Variants in KIAA0753 observed in about 807,000 individuals in gnomAD.
KIAA0753 encodes the protein KIAA0753.
A neutral mutation model predicts 116.9 loss-of-function variants in KIAA0753; 114 were observed. That is an observed-to-expected ratio of 0.98 (90% confidence interval 0.84 to 1.14). KIAA0753 has a LOEUF of 1.14. Among genes scored for constraint, KIAA0753 ranks in the 50% most tolerant of loss-of-function variants. The pLI is 0.00. For synonymous variants in KIAA0753, 405 were observed against 413.1 expected, an observed-to-expected ratio of 0.98 and a Z score of 0.24; for missense variants, 1,156 against 1,172.4, an observed-to-expected ratio of 0.99 and a Z score of 0.20.
chr17:6,582,066 T>C (rs1968217059), intron 18 of KIAA0753, among the ~76,000 whole-genome samples: 2 of 152,218 alleles, frequency 1.3e-5, no homozygotes, highest in African/African-American at 2.4e-5. Flanking sequence ...AAACACCCTG[T>C]ATCTATTTCT....
At chr17:6,589,640 T>C (rs1004292088) in intron 18 of KIAA0753, 139 bp downstream of exon 18, 22 of 602,828 alleles carry the variant, frequency 3.6e-5, no homozygotes, top group Admixed American at 7.1e-5. Context: ...GCCTGTCTCC[T>C]AGCCCAAGAA....
At chr17:6,594,699 C>T (rs996245961) in intron 16 of KIAA0753, among the ~76,000 whole-genome samples, 3 of 151,962 alleles carry the variant, frequency 2.0e-5, no homozygotes, top group South Asian at 4.1e-4. Flanking sequence ...AAAAAAAGAG[C>T]CATAAGTAAA....
intron 14 of KIAA0753, among the ~76,000 whole-genome samples, chr17:6,596,930 G>T (rs1178598162): frequency 6.6e-6 from 1 of 152,164 alleles, no homozygotes; most frequent in African/African-American, 2.4e-5. Flanking sequence ...TTTATAATCT[G>T]CCCTGAAAGA....
At chr17:6,586,384 T>G (rs1191139340) in intron 18 of KIAA0753, among the ~76,000 whole-genome samples, 7 of 152,224 alleles carry the variant, frequency 4.6e-5, no homozygotes, top group African/African-American at 1.7e-4. Flanking sequence ...ATGCTTCTAA[T>G]TCCTGAGTCT....
intron 15 of KIAA0753, 77 bp from the exon 16 acceptor site, chr17:6,595,130 A>G: frequency 4.9e-6 from 5 of 1,018,002 alleles, no homozygotes; most frequent in Non-Finnish European, 6.0e-6. Flanking sequence ...TAAAGATGTA[A>G]AAGTTCAGCA....
chr17:6,606,880 G>A lies in KIAA0753; in HGVS notation c.2002C>T (p.Gln668Ter). ...TAAGAAGCAAACACATACCTCAATT[G>A]TTGGAGTCTATACATTTCTTCAGCT... Reference protein sequence around the residue: ...LKAEEMYRLQQLSVSATHLAD... With the variant: ...LKAEEMYRLQ Residue 668 changes from glutamine (Q) to a stop codon, truncating the protein, a stop_gained, in exon 12 of 19, where the codon CAA becomes TAA. Transcript: ENST00000361413. LOFTEE classifies it high-confidence loss of function. 6 of 1,612,862 alleles carry A rather than the reference G, an allele frequency of 3.7e-6. No homozygotes were observed. The highest frequency in any genetic ancestry group is 5.1e-6 in the Non-Finnish European group (6 of 1,178,814).
chr17:6,607,826 T>C (rs954555558), intron 10 of KIAA0753, among the ~76,000 whole-genome samples: 3 of 152,220 alleles, frequency 2.0e-5, no homozygotes, highest in African/African-American at 7.2e-5. Context: ...TATGGAATGT[T>C]CTCACCTCAT....
Position 6,579,844 on chromosome 17 carries a change from T to TCTAC in KIAA0753, c.2803_2806dup (p.Asp936GlyfsTer3), listed in dbSNP as rs1328089628. On this transcript the variant is annotated frameshift_variant, in exon 19 of 19. Transcript: ENST00000361413. LOFTEE classifies it high-confidence loss of function. ...AGCAGCCACAGCACCCAGAGCTTCA[T>TCTAC]CTACCAGCTCTTCTGAAAAGCTGGA... 17 of 1,613,356 alleles carry TCTAC rather than the reference T, an allele frequency of 1.1e-5. No individual in the cohort carries two copies. The highest frequency in any genetic ancestry group is 1.1e-5 in the Non-Finnish European group (13 of 1,179,690).
chr17:6,590,001 G>A lies in KIAA0753; in HGVS notation c.2564C>T (p.Ser855Phe). Residue 855 changes from serine (S) to phenylalanine (F), a missense_variant and splice_region_variant, in exon 18 of 19, where the codon TCC (serine) becomes TTC (phenylalanine). By Grantham distance (155) the Ser-to-Phe change is radical (BLOSUM62 -2). Coordinates refer to ENST00000361413, the MANE Select transcript of KIAA0753 (RefSeq NM_014804.3). ...CTCTGTTCCCACACTTTCATCCAGG[G>A]AACTGAGAACAAATAAAAATGATGA... ...IMLERPCNGN[S>F]LDESVGTEEG... 1 of 1,544,494 alleles carries A rather than the reference G, an allele frequency of 6.5e-7. No homozygotes were observed. Among genetic ancestry groups the A allele is most frequent in the South Asian group, 1.2e-5 (1 of 80,028 alleles).
In KIAA0753 at chr17:6,589,805, G is replaced by A. The variant is rs1048305592; in HGVS notation, c.2760C>T (p.Ser920=). ...LRIISHEAVG[S]FNPWLIAESF... is the part of the protein sequence containing the mutation. The stretch of plus-strand genomic sequence containing the variant: ...TTTCAGCTATCAGCCACGGGTTGAA[G>A]GAGCCTACAGCCTCATGAGATATGA... The change falls in exon 18 of 19, where the codon TCC becomes TCT. Residue 920 remains serine, a synonymous_variant. Transcript: ENST00000361413. The A allele has an allele frequency of 6.2e-7, 1 of 1,611,158 alleles. No homozygotes were observed. The highest frequency in any genetic ancestry group is 8.5e-7 in the Non-Finnish European group (1 of 1,179,208).
In KIAA0753 at chr17:6,628,095, TAAA is replaced by T. The variant is rs1300238734; in HGVS notation, c.718+19_718+21del. ...CCATAATCACAGCCTTAGGTCGAAG[TAAA>T]GAATCTAATTTTTCTCACCTTTTTT... On this transcript the variant is annotated intron_variant, in intron 3 of 18. Coordinates refer to ENST00000361413, the MANE Select transcript of KIAA0753 (RefSeq NM_014804.3). 3 of 1,596,972 alleles carry T rather than the reference TAAA, an allele frequency of 1.9e-6. No homozygotes were observed. The highest frequency in any genetic ancestry group is 2.6e-6 in the Non-Finnish European group (3 of 1,172,050).
At chr17:6,590,778 C>A in intron 16 of KIAA0753, 148 bp from the exon 17 acceptor site, 1 of 689,284 alleles carries the variant, frequency 1.5e-6, no homozygotes, top group South Asian at 1.9e-5. Flanking sequence ...TGGGAAAATG[C>A]TCATTTTAAA....
chr17:6,597,779 A>C (rs573212719), intron 14 of KIAA0753, among the ~76,000 whole-genome samples: 1 of 152,320 alleles, frequency 6.6e-6, no homozygotes, highest in Admixed American at 6.5e-5. Flanking sequence ...TTTACTTGCA[A>C]ATGTCTCCTC....
Position 6,599,227 on chromosome 17 carries a change from C to T in KIAA0753, c.2172+10G>A. 6.2e-7 allele frequency: 1 copy of T among 1,602,742 alleles called. No homozygotes were observed. Among genetic ancestry groups the T allele is most frequent in the South Asian group, 1.1e-5 (1 of 90,764 alleles). Reference sequence around the variant, plus strand: ...ATAATACCAGAATGCCAATATCACACAACGCATACCTCCTGTGCAGGCTGG... The same window carrying T: ...ATAATACCAGAATGCCAATATCACATAACGCATACCTCCTGTGCAGGCTGG... On this transcript the variant is annotated intron_variant, in intron 14 of 18. Transcript: ENST00000361413.
chr17:6,614,811 A>AC (rs771337068), intron 7 of KIAA0753, among the ~76,000 whole-genome samples: 1 of 152,130 alleles, frequency 6.6e-6, no homozygotes, highest in African/African-American at 2.4e-5. Context: ...GTTTTATTTT[A>AC]TTTTTGAGAC....
chr17:6,586,588 T>C (rs893022754), intron 18 of KIAA0753, among the ~76,000 whole-genome samples: 3 of 152,360 alleles, frequency 2.0e-5, no homozygotes, highest in East Asian at 1.9e-4. Context: ...TATAGTGGGA[T>C]AGAGATATAG....
At chr17:6,603,857 C>A (rs1013958906) in intron 12 of KIAA0753, among the ~76,000 whole-genome samples, 6 of 152,172 alleles carry the variant, frequency 3.9e-5, no homozygotes, top group African/African-American at 1.2e-4. Flanking sequence ...TCTACTGCAG[C>A]CAAACACTGC....
At chr17:6,622,588 T>C (rs1036532502) in intron 6 of KIAA0753, among the ~76,000 whole-genome samples, 1 of 152,270 alleles carries the variant, frequency 6.6e-6, no homozygotes, top group Non-Finnish European at 1.5e-5. Context: ...TAAATTTTTT[T>C]CTCAAATGGC....
chr17:6,583,894 C>T (rs558797420), intron 18 of KIAA0753, among the ~76,000 whole-genome samples: 1 of 152,336 alleles, frequency 6.6e-6, no homozygotes, highest in East Asian at 1.9e-4. Flanking sequence ...ATGTATTCAA[C>T]AGTCGTAGAA....
Sources: gnomAD v4.1 joint callset for allele counts (sites outside exome capture counted in the v4.1 genomes callset) on GRCh38, gnomAD v4.1.1 for gene constraint, MANE v1.5 for transcripts, NCBI Gene and HGNC (gene_info 2026-07-23, HGNC 2026-07-21) for gene names.